The following ASTN1 variants were observed in gnomAD, a reference collection of about 807,000 sequenced individuals.
ASTN1 encodes astrotactin-1.
Under a neutral mutation model 140.7 loss-of-function variants are expected in ASTN1, and 41 were observed. The observed-to-expected ratio is 0.29, with a 90% CI of 0.23 to 0.38. The LOEUF (loss-of-function observed/expected upper bound fraction) is 0.38. ASTN1 is among the 10% of genes least tolerant of loss of function. The pLI is 1.00. For missense variants in ASTN1, 1,479 were observed against 1,678.8 expected, an observed-to-expected ratio of 0.88 and a Z score of 2.08; for synonymous variants, 640 against 652.2, an observed-to-expected ratio of 0.98 and a Z score of 0.29.
chr1:176,948,769 C>A (rs903760969), intron 12 of ASTN1, among the ~76,000 whole-genome samples: 1 of 150,532 alleles, frequency 6.6e-6, no homozygotes. Context: ...AAAGACCACC[C>A]CCCTTTTTTG....
At chr1:176,993,460 G>A (rs1036708602) in intron 8 of ASTN1, among the ~76,000 whole-genome samples, 10 of 152,102 alleles carry the variant, frequency 6.6e-5, no homozygotes, top group African/African-American at 2.4e-4. Context: ...TCTGGAATAG[G>A]AGTTAGAGTC....
At chr1:177,023,730 G>C (rs1232801309) in intron 6 of ASTN1, among the ~76,000 whole-genome samples, 159 bp from the exon 7 acceptor site, 1 of 152,172 alleles carries the variant, frequency 6.6e-6, no homozygotes, top group African/African-American at 2.4e-5. Flanking sequence ...CAAGGGATCA[G>C]CAGACAGAGG....
intron 8 of ASTN1, 107 bp from the exon 9 acceptor site, chr1:176,965,344 G>C: frequency 9.3e-7 from 1 of 1,073,850 alleles, no homozygotes; most frequent in South Asian, 1.5e-5. Context: ...GCCATCCAGG[G>C]CATAGCCTCT....
chr1:177,058,184 A>G (rs1261088826), intron 2 of ASTN1, among the ~76,000 whole-genome samples: 1 of 152,156 alleles, frequency 6.6e-6, no homozygotes, highest in African/African-American at 2.4e-5. Context: ...TGACAGGGAA[A>G]GGAGCGGGTA....
intron 9 of ASTN1, among the ~76,000 whole-genome samples, chr1:176,959,922 G>T (rs927085920): frequency 6.6e-6 from 1 of 152,174 alleles, no homozygotes; most frequent in African/African-American, 2.4e-5. Flanking sequence ...GGAGGTGCCT[G>T]CACCAGGGGA....
At chr1:177,101,273 G>C (rs1226691226) in intron 1 of ASTN1, among the ~76,000 whole-genome samples, 1 of 152,102 alleles carries the variant, frequency 6.6e-6, no homozygotes, top group Admixed American at 6.6e-5. Context: ...TAGCTGTCCT[G>C]TTCAAAATAG....
chr1:176,947,905 A>G (rs1195670062), intron 12 of ASTN1, among the ~76,000 whole-genome samples: 4 of 152,212 alleles, frequency 2.6e-5, no homozygotes, highest in Non-Finnish European at 5.9e-5. Flanking sequence ...AAATAAATAC[A>G]TTTATATAAC....
rs554911073 is a variant in ASTN1 at position 176,879,569 on chromosome 1, C to T, written c.3363-2932G>A. Among the ~76,000 whole-genome samples, 3 of 152,228 alleles carry T rather than the reference C, an allele frequency of 2.0e-5. No individual in the cohort carries two copies. The East Asian group carries it at 5.8e-4, about 29-fold the overall frequency. On this transcript the variant is annotated intron_variant, in intron 20 of 22. Coordinates refer to ENST00000361833, the MANE Select transcript of ASTN1 (RefSeq NM_004319.3). ...TCTCTCTCAGTCAATCCCCACCTCT[C>T]CCCCCGCCCCCAAGCTGGCCCAAGC...
chr1:177,063,911 T>G (rs2102039139), intron 1 of ASTN1, among the ~76,000 whole-genome samples: 1 of 152,220 alleles, frequency 6.6e-6, no homozygotes, highest in East Asian at 1.9e-4. Context: ...AGGGCAGGAT[T>G]TATCTCATAC....
chr1:177,030,716 G>A lies in ASTN1; in HGVS notation c.1012+90C>T, dbSNP rs1453912826. Reference sequence around the variant, plus strand: ...GCCAGGGCATACCCTCTCCAGCCACGCATGAGAGAATGGGTAGAAGATATT... The same window carrying A: ...GCCAGGGCATACCCTCTCCAGCCACACATGAGAGAATGGGTAGAAGATATT... On this transcript the variant is annotated intron_variant, in intron 4 of 22. Coordinates refer to ENST00000361833, the MANE Select transcript of ASTN1 (RefSeq NM_004319.3). 24 of 1,530,444 alleles carry A rather than the reference G, an allele frequency of 1.6e-5. No individual in the cohort carries two copies. The highest frequency in any genetic ancestry group is 1.4e-4 in the East Asian group (6 of 43,954). The allele number at this position is 1,530,444 out of a possible 1,614,324, so 94.8% of individuals were successfully genotyped here. A position where few individuals can be genotyped will look rare whatever the true frequency, so the allele number is the denominator to read the frequency against.
chr1:176,916,386 T>C (rs1222901719), intron 16 of ASTN1, among the ~76,000 whole-genome samples: 2 of 152,232 alleles, frequency 1.3e-5, no homozygotes, highest in African/African-American at 2.4e-5. Context: ...AGAAACAAAT[T>C]GTACTGTCAA....
chr1:177,136,200 G>A (rs893308300), intron 1 of ASTN1, among the ~76,000 whole-genome samples: 1 of 152,138 alleles, frequency 6.6e-6, no homozygotes, highest in Non-Finnish European at 1.5e-5. Context: ...ACTCTCCTGT[G>A]GAGTGTCCTC....
At chr1:177,018,759 T>G (rs1423218519) in intron 7 of ASTN1, among the ~76,000 whole-genome samples, 1 of 152,120 alleles carries the variant, frequency 6.6e-6, no homozygotes, top group Non-Finnish European at 1.5e-5. Flanking sequence ...AACCAGGTAG[T>G]CTGTGTCTCC....
intron 9 of ASTN1, among the ~76,000 whole-genome samples, chr1:176,964,771 A>C (rs1672805418): frequency 6.6e-6 from 1 of 152,200 alleles, no homozygotes; most frequent in Non-Finnish European, 1.5e-5. Flanking sequence ...GAGAGGCAGA[A>C]ACTGACATTA....
chr1:177,106,679 G>A (rs997965125), intron 1 of ASTN1, among the ~76,000 whole-genome samples: 4 of 152,190 alleles, frequency 2.6e-5, no homozygotes, highest in African/African-American at 4.8e-5. Context: ...TTTACTCTAA[G>A]ATTATAGACT....
intron 1 of ASTN1, among the ~76,000 whole-genome samples, chr1:177,087,759 A>G (rs1039435403): frequency 6.6e-6 from 1 of 152,184 alleles, no homozygotes; most frequent in African/African-American, 2.4e-5. Context: ...GGAGTTGGGG[A>G]GTGTTAATCC....
At chr1:176,940,817 A>G (rs1196688457) in intron 14 of ASTN1, among the ~76,000 whole-genome samples, 2 of 152,226 alleles carry the variant, frequency 1.3e-5, no homozygotes, top group Non-Finnish European at 2.9e-5. Context: ...AGATAGAAAT[A>G]GGTGTTATGT....
chr1:176,909,165 A>G (rs1029098105), intron 16 of ASTN1, among the ~76,000 whole-genome samples: 3 of 152,084 alleles, frequency 2.0e-5, no homozygotes, highest in Non-Finnish European at 4.4e-5. Flanking sequence ...GGAGCAGACT[A>G]TGGGCCCACA....
intron 2 of ASTN1, among the ~76,000 whole-genome samples, chr1:177,034,054 C>T (rs950254606): frequency 1.3e-5 from 2 of 152,106 alleles, no homozygotes; most frequent in Admixed American, 1.3e-4. Context: ...ATCAAATAAG[C>T]TAGAGATAAA....
Sources: allele counts gnomAD v4.1 joint callset (sites outside exome capture counted in the v4.1 genomes callset), GRCh38; gene constraint gnomAD v4.1.1; transcripts MANE v1.5; gene names NCBI Gene and HGNC (gene_info 2026-07-23, HGNC 2026-07-21).